The following DMGDH variants were observed in gnomAD, a reference collection of about 807,000 sequenced individuals.
DMGDH encodes the protein dimethylglycine dehydrogenase, mitochondrial.
A neutral mutation model predicts 95.2 loss-of-function variants in DMGDH; 76 were observed. The observed-to-expected ratio is 0.80, with a 90% CI of 0.66 to 0.97. The LOEUF is 0.97. DMGDH is among the 50% of genes least tolerant of loss of function. The probability of loss-of-function intolerance (pLI) is 0.00; values close to 1 mark genes in which losing one functional copy is unlikely to be tolerated. For missense variants in DMGDH, 987 were observed against 1,055.0 expected, an observed-to-expected ratio of 0.94 and a Z score of 0.89; for synonymous variants, 345 against 377.6, an observed-to-expected ratio of 0.91 and a Z score of 1.00.
At chr5:79,000,478 A>G (rs958936819) in intron 15 of DMGDH, 41 of 612,826 alleles carry the variant, frequency 6.7e-5, no homozygotes, top group Middle Eastern at 5.5e-4. Context: ...GTCTGCCTGA[A>G]AAGTACTTAT....
Position 79,028,608 on chromosome 5 carries a change from T to C in DMGDH, c.1857A>G (p.Glu619=), listed in dbSNP as rs1391782794. ...EEAVKGGYDV[E]IKNITDELGV... ...CAAGCTCATCAGTTATGTTTTTAATTTCAACATCATATCCACCTTTGACTG... is the reference window on the plus strand; with the variant it reads ...CAAGCTCATCAGTTATGTTTTTAATCTCAACATCATATCCACCTTTGACTG... Residue 619 remains glutamate, a synonymous_variant, in exon 12 of 16, where the codon GAA becomes GAG. Transcript: ENST00000255189. The C allele has an allele frequency of 6.2e-7, 1 of 1,614,066 alleles. No individual in the cohort carries two copies. The highest frequency in any genetic ancestry group is 8.5e-7 in the Non-Finnish European group (1 of 1,180,036).
At chr5:79,044,727 GAAGACAAT>G (rs755174221) in intron 5 of DMGDH, among the ~76,000 whole-genome samples, 175 bp from the exon 6 acceptor site, 89 of 152,280 alleles carry the variant, frequency 5.8e-4, no homozygotes, top group Non-Finnish European at 9.6e-4. Context: ...TGGGGGAAGA[GAAGACAAT>G]ATTTTGCATT....
chr5:79,022,397 A>T (rs927761480), intron 14 of DMGDH, among the ~76,000 whole-genome samples: 2 of 152,204 alleles, frequency 1.3e-5, no homozygotes, highest in Non-Finnish European at 2.9e-5. Context: ...CTACAAAACC[A>T]CCAAAGTTGA....
At position 79,028,468 on chromosome 5, in the gene DMGDH, T is replaced by C. The variant is rs1176442233; in HGVS notation, c.1997A>G (p.Asn666Ser). 1 of 1,614,112 alleles carries C rather than the reference T, an allele frequency of 6.2e-7. No individual in the cohort carries two copies. Among genetic ancestry groups the C allele is most frequent in the Non-Finnish European group, 8.5e-7 (1 of 1,179,970 alleles). The change falls in exon 12 of 16, where the codon AAC (asparagine) becomes AGC (serine). Residue 666 changes from asparagine (N) to serine (S), a missense_variant. Asn to Ser is a conservative substitution (Grantham distance 46). Transcript: ENST00000255189. ...FLQTKSLKVSNIPVTAIRISY... is the reference protein window; with the variant it reads ...FLQTKSLKVSSIPVTAIRISY... ...TATCCTAATAGCAGTGACAGGAATG[T>C]TGGAAACCTTTAAGGACTTGGTTTG...
intron 13 of DMGDH, among the ~76,000 whole-genome samples, chr5:79,024,607 A>G (rs1305088584): frequency 6.6e-6 from 1 of 152,230 alleles, no homozygotes; most frequent in Non-Finnish European, 1.5e-5. Flanking sequence ...GAGGGAATGT[A>G]CGTGATGTTT....
intron 1 of DMGDH, among the ~76,000 whole-genome samples, chr5:79,066,722 A>G (rs568473292): frequency 6.6e-6 from 1 of 152,250 alleles, no homozygotes; most frequent in African/African-American, 2.4e-5. Flanking sequence ...TTCCCAGTGT[A>G]TATGATTAAG....
chr5:79,063,702 T>C lies in DMGDH; in HGVS notation c.187A>G (p.Ser63Gly). 1.9e-6 allele frequency: 3 copies of C among 1,614,178 alleles called. No homozygotes were observed. The highest frequency in any genetic ancestry group is 2.5e-6 in the Non-Finnish European group (3 of 1,180,024). The change falls in exon 2 of 16, where the codon AGT becomes GGT. Residue 63 changes from serine (S) to glycine (G), a missense_variant. Ser to Gly is a moderately conservative substitution (Grantham distance 56). Transcript: ENST00000255189. The stretch of plus-strand genomic sequence containing the variant: ...GCTTTGGCCAGGTGATAAGCCAGAC[T>C]CACACCAACACAGCCACCTCCAATT... The part of the protein sequence containing the change: ...VIIGGGCVGV[S>G]LAYHLAKAGM...
chr5:79,029,884 C>A lies in DMGDH; in HGVS notation c.1814+20G>T. 6.2e-7 allele frequency: 1 copy of A among 1,613,046 alleles called. No individual in the cohort carries two copies. Among genetic ancestry groups the A allele is most frequent in the Non-Finnish European group, 8.5e-7 (1 of 1,179,508 alleles). On this transcript the variant is annotated intron_variant, in intron 11 of 15. Coordinates refer to ENST00000255189, the MANE Select transcript of DMGDH (RefSeq NM_013391.3). ...CAATATATAATGTGTACAAAATTTTCTTACTAGGTGTGCACTTACCTAAGA... is the reference window on the plus strand; with the variant it reads ...CAATATATAATGTGTACAAAATTTTATTACTAGGTGTGCACTTACCTAAGA...
chr5:79,005,659 C>G (rs147240816), intron 14 of DMGDH, among the ~76,000 whole-genome samples: 1 of 152,178 alleles, frequency 6.6e-6, no homozygotes, highest in African/African-American at 2.4e-5. Flanking sequence ...CAGGCAGAAA[C>G]CTAGGCAGAA....
intron 4 of DMGDH, 126 bp from the exon 5 acceptor site, chr5:79,051,617 C>T: frequency 1.1e-6 from 1 of 888,844 alleles, no homozygotes; most frequent in Non-Finnish European, 1.8e-6. Flanking sequence ...TGGAAAGTGA[C>T]TGGGTCCCTG....
At chr5:79,065,219 C>CTTT (rs35123793) in intron 1 of DMGDH, among the ~76,000 whole-genome samples, 27 of 129,634 alleles carry the variant, frequency 2.1e-4, no homozygotes, top group Admixed American at 3.2e-4. Flanking sequence ...TTTTCTTTTC[C>CTTT]TTTTTTTTTT....
chr5:79,027,997 C>T (rs867007130), intron 12 of DMGDH, among the ~76,000 whole-genome samples: 7 of 152,074 alleles, frequency 4.6e-5, no homozygotes, highest in Admixed American at 6.5e-5. Context: ...TGTGCCACCA[C>T]GCCCAGCTAA....
chr5:79,029,328 T>C (rs1754089881), intron 11 of DMGDH, among the ~76,000 whole-genome samples: 1 of 152,212 alleles, frequency 6.6e-6, no homozygotes, highest in Non-Finnish European at 1.5e-5. Flanking sequence ...GTAAGACATG[T>C]ATTAAATAAT....
intron 5 of DMGDH, 31 bp from the exon 6 acceptor site, chr5:79,044,583 G>T (rs777375081): frequency 1.2e-6 from 2 of 1,612,240 alleles, no homozygotes; most frequent in Non-Finnish European, 1.7e-6. Context: ...AAAAGTGTCA[G>T]CCCATATATA....
At position 78,997,904 on chromosome 5, in the gene DMGDH, A is replaced by G; in HGVS notation, c.*178T>C. ...AAAGAACAATGTAAATCATTTATCT[A>G]TTATTCTGTCTTGCTTAGAAAACAC... On this transcript the variant is annotated 3_prime_UTR_variant, in exon 16 of 16. Transcript: ENST00000255189. The G allele has an allele frequency of 3.1e-6, 2 of 651,734 alleles. No homozygotes were observed. The highest frequency in any genetic ancestry group is 5.3e-6 in the Non-Finnish European group (2 of 379,564). 40.4% of individuals were successfully genotyped at this position (651,734 alleles called of 1,614,324 possible). A position where few individuals can be genotyped will look rare whatever the true frequency, so the allele number is the denominator to read the frequency against.
At chr5:79,033,501 CT>C in intron 7 of DMGDH, 93 bp from the exon 8 acceptor site, 1 of 1,412,644 alleles carries the variant, frequency 7.1e-7, no homozygotes, top group Non-Finnish European at 9.9e-7. Context: ...CAAAGTTGGA[CT>C]GTTCTGTGCT....
At chr5:79,014,882 G>C (rs1247385031) in intron 14 of DMGDH, among the ~76,000 whole-genome samples, 1 of 152,106 alleles carries the variant, frequency 6.6e-6, no homozygotes. Context: ...TCAGACACAG[G>C]GGTGAGGCTA....
chr5:79,014,196 CA>C (rs961725922), intron 14 of DMGDH, among the ~76,000 whole-genome samples: 32 of 152,120 alleles, frequency 2.1e-4, no homozygotes, highest in African/African-American at 7.7e-4. Flanking sequence ...GTTCCTAAGC[CA>C]GGCAAGTAAT....
At chr5:79,052,759 G>C (rs567586269) in intron 4 of DMGDH, among the ~76,000 whole-genome samples, 20 of 152,296 alleles carry the variant, frequency 1.3e-4, no homozygotes, top group African/African-American at 4.6e-4. Flanking sequence ...ACTGGTAGTG[G>C]AGGTAAAATT....
Sources: gnomAD v4.1 joint callset for allele counts (sites outside exome capture counted in the v4.1 genomes callset) on GRCh38, gnomAD v4.1.1 for gene constraint, MANE v1.5 for transcripts, NCBI Gene and HGNC (gene_info 2026-07-23, HGNC 2026-07-21) for gene names.